ZNF804B: variants seen among roughly 807,000 people sequenced by gnomAD.
ZNF804B encodes the protein zinc finger 804B.
Under a neutral mutation model 101.4 loss-of-function variants are expected in ZNF804B, and 80 were observed. The ratio of observed to expected loss-of-function variants is 0.79; its 90% CI spans 0.66 to 0.95. The LOEUF is 0.95. Ranked by LOEUF, ZNF804B falls within the 40% of genes least tolerant of loss-of-function variation. The pLI is 0.00. For missense variants in ZNF804B, 1,673 were observed against 1,561.9 expected (o/e 1.07, Z -1.20); for synonymous variants, 622 against 558.8 (o/e 1.11, Z -1.59).
intron 1 of ZNF804B, among the ~76,000 whole-genome samples, chr7:89,207,253 G>A (rs549903440): frequency 6.6e-6 from 1 of 152,304 alleles, no homozygotes; most frequent in Non-Finnish European, 1.5e-5. Context: ...ACATACCTAA[G>A]ACTGGGTAAT....
chr7:89,143,428 C>T (rs533465346), intron 1 of ZNF804B, among the ~76,000 whole-genome samples: 42 of 151,866 alleles, frequency 2.8e-4, no homozygotes, highest in African/African-American at 4.3e-4. Context: ...TTTTCTTACC[C>T]GCTCCCAGCT....
intron 1 of ZNF804B, among the ~76,000 whole-genome samples, chr7:88,763,742 A>G (rs1367675704): frequency 7.1e-6 from 1 of 141,012 alleles, no homozygotes; most frequent in Non-Finnish European, 1.5e-5. Context: ...ACACATATAT[A>G]CATTATAGAC....
intron 1 of ZNF804B, among the ~76,000 whole-genome samples, chr7:88,813,517 T>C (rs545063144): frequency 2.0e-5 from 3 of 152,266 alleles, no homozygotes; most frequent in Admixed American, 2.0e-4. Context: ...TTATGTAGAC[T>C]AAGGTTTCTT....
Position 88,812,374 on chromosome 7 carries a change from CAAG to C in ZNF804B, c.108+52293_108+52295del, listed in dbSNP as rs1790803934. ...AAAAACAGAAAATAACAACTGTTGA[CAAG>C]AATGTGGAAACATTGGAATGCTTGT... On this transcript the variant is annotated intron_variant, in intron 1 of 3. Transcript: ENST00000333190. Among the ~76,000 whole-genome samples, 2 of 152,078 alleles carry C rather than the reference CAAG, an allele frequency of 1.3e-5. 1 individual carries two copies. The highest frequency in any genetic ancestry group is 4.8e-5 in the African/African-American group (2 of 41,386).
At chr7:88,892,993 G>C (rs183459339) in intron 1 of ZNF804B, among the ~76,000 whole-genome samples, 7 of 152,162 alleles carry the variant, frequency 4.6e-5, no homozygotes, top group Non-Finnish European at 1.0e-4. Context: ...TTTAAACTTA[G>C]TTTATTTGCA....
At chr7:88,992,295 A>G (rs184915985) in intron 1 of ZNF804B, among the ~76,000 whole-genome samples, 199 of 152,190 alleles carry the variant, frequency 1.3e-3, no homozygotes, top group African/African-American at 4.6e-3. Flanking sequence ...AATTTCTCCT[A>G]CCTTTCTTTA....
chr7:88,950,460 C>T (rs893851702), intron 1 of ZNF804B, among the ~76,000 whole-genome samples: 1 of 140,536 alleles, frequency 7.1e-6, no homozygotes, highest in Non-Finnish European at 1.5e-5. Flanking sequence ...AGATAACAGT[C>T]ACATAAATTT....
intron 1 of ZNF804B, among the ~76,000 whole-genome samples, chr7:89,019,594 T>C (rs1788630104): frequency 6.6e-6 from 1 of 152,050 alleles, no homozygotes; most frequent in Non-Finnish European, 1.5e-5. Flanking sequence ...AAGTTCCTAT[T>C]ACTGTTTTGT....
chr7:89,190,290 G>T (rs1307976120), intron 1 of ZNF804B, among the ~76,000 whole-genome samples: 1 of 150,074 alleles, frequency 6.7e-6, no homozygotes, highest in Non-Finnish European at 1.5e-5. Flanking sequence ...AGCCGAGATC[G>T]TGCCATTTCA....
intron 1 of ZNF804B, among the ~76,000 whole-genome samples, chr7:89,184,148 C>T (rs575018560): frequency 6.6e-6 from 1 of 152,280 alleles, no homozygotes; most frequent in South Asian, 2.1e-4. Context: ...AGCATTGACA[C>T]TGTGCAGACA....
intron 1 of ZNF804B, among the ~76,000 whole-genome samples, chr7:89,049,601 G>A (rs1789164041): frequency 6.6e-6 from 1 of 151,920 alleles, no homozygotes; most frequent in Non-Finnish European, 1.5e-5. Flanking sequence ...TACCGGAAAA[G>A]TCCCTGATGA....
chr7:89,034,872 G>A (rs1350449408), intron 1 of ZNF804B, among the ~76,000 whole-genome samples: 1 of 152,128 alleles, frequency 6.6e-6, no homozygotes, highest in Admixed American at 6.6e-5. Flanking sequence ...CACCAAAAGT[G>A]TAAAAGCATT....
At chr7:89,037,337 GTA>G (rs2116242140) in intron 1 of ZNF804B, among the ~76,000 whole-genome samples, 1 of 152,098 alleles carries the variant, frequency 6.6e-6, no homozygotes, top group South Asian at 2.1e-4. Flanking sequence ...TTTTACCAGT[GTA>G]TATATCATCA....
At chr7:88,854,414 C>CCTTCCTTTCTTCCTTT (rs1232481883) in intron 1 of ZNF804B, among the ~76,000 whole-genome samples, 3 of 57,076 alleles carry the variant, frequency 5.3e-5, no homozygotes, top group Non-Finnish European at 1.1e-4. Flanking sequence ...TTTCTTTCTT[C>CCTTCCTTTCTTCCTTT]CTTTCTTTCT....
chr7:89,147,279 G>T (rs1037232713), intron 1 of ZNF804B, among the ~76,000 whole-genome samples: 3 of 151,922 alleles, frequency 2.0e-5, no homozygotes, highest in Non-Finnish European at 4.4e-5. Flanking sequence ...ATTATCACCT[G>T]AATCTTTAAC....
At chr7:89,181,325 G>A (rs994035838) in intron 1 of ZNF804B, among the ~76,000 whole-genome samples, 5 of 152,246 alleles carry the variant, frequency 3.3e-5, no homozygotes, top group African/African-American at 9.6e-5. Flanking sequence ...GGACCCCAGC[G>A]CACTTTAGCC....
At chr7:89,317,306 G>C (rs1452609960) in intron 2 of ZNF804B, among the ~76,000 whole-genome samples, 4 of 152,218 alleles carry the variant, frequency 2.6e-5, no homozygotes, top group Non-Finnish European at 5.9e-5. Flanking sequence ...ACTAAGTGAA[G>C]GGGTGGAAAA....
chr7:88,968,113 A>G (rs1216243491), intron 1 of ZNF804B, among the ~76,000 whole-genome samples: 1 of 150,068 alleles, frequency 6.7e-6, no homozygotes, highest in African/African-American at 2.5e-5. Flanking sequence ...AAAATTTAAT[A>G]ACAAAAATTA....
chr7:89,237,218 A>G (rs1184392560), intron 2 of ZNF804B, among the ~76,000 whole-genome samples: 1 of 152,216 alleles, frequency 6.6e-6, no homozygotes, highest in African/African-American at 2.4e-5. Flanking sequence ...GTAATTTTCA[A>G]AATATGTGTA....
Sources: allele counts gnomAD v4.1 joint callset (sites outside exome capture counted in the v4.1 genomes callset), GRCh38; gene constraint gnomAD v4.1.1; transcripts MANE v1.5; gene names NCBI Gene and HGNC (gene_info 2026-07-23, HGNC 2026-07-21).